The following SLC25A26 variants were observed in gnomAD, a reference collection of about 807,000 sequenced individuals.
SLC25A26 encodes the protein solute carrier family 25 member 26.
In SLC25A26, 36 loss-of-function variants were observed where a neutral mutation model predicts 37.8. The observed-to-expected ratio is 0.95, with a 90% CI of 0.73 to 1.26. The LOEUF (loss-of-function observed/expected upper bound fraction) is 1.26, where lower values mean the gene tolerates loss of function less well. Ranked by LOEUF, SLC25A26 falls within the 50% of genes most tolerant of loss-of-function variation. The pLI is 0.00. For synonymous variants in SLC25A26, 129 were observed against 122.5 expected (o/e 1.05, Z -0.35); for missense variants, 390 against 331.1 (o/e 1.18, Z -1.38).
intron 3 of SLC25A26, among the ~76,000 whole-genome samples, chr3:66,249,737 G>A (rs1203571676): frequency 1.3e-5 from 2 of 152,212 alleles, no homozygotes; most frequent in Admixed American, 6.5e-5. Context: ...TAAGTGAGTC[G>A]TGGGGGATAG....
At chr3:66,345,348 C>G (rs956503875) in intron 5 of SLC25A26, among the ~76,000 whole-genome samples, 7 of 152,142 alleles carry the variant, frequency 4.6e-5, no homozygotes, top group Admixed American at 2.0e-4. Context: ...TTGACTCTTG[C>G]AAGTAGCTCT....
intron 4 of SLC25A26, among the ~76,000 whole-genome samples, chr3:66,262,908 G>A (rs2073587677): frequency 6.6e-6 from 1 of 152,080 alleles, no homozygotes; most frequent in Admixed American, 6.5e-5. Context: ...AAATATAATT[G>A]TTTTTATACA....
At chr3:66,233,424 G>A (rs1279344445) in intron 1 of SLC25A26, among the ~76,000 whole-genome samples, 2 of 151,670 alleles carry the variant, frequency 1.3e-5, no homozygotes, top group African/African-American at 4.9e-5. Flanking sequence ...AGAACTTTTC[G>A]GTATAAGCTA....
chr3:66,257,580 C>T (rs1480958117), intron 3 of SLC25A26, among the ~76,000 whole-genome samples: 1 of 152,102 alleles, frequency 6.6e-6, no homozygotes, highest in South Asian at 2.1e-4. Context: ...GTCATGGGCT[C>T]GGGCCTCTGA....
chr3:66,228,206 G>A (rs1194021410), intron 1 of SLC25A26, among the ~76,000 whole-genome samples: 1 of 152,198 alleles, frequency 6.6e-6, no homozygotes, highest in African/African-American at 2.4e-5. Context: ...ATCATGCAAG[G>A]ACCACAACTG....
intron 5 of SLC25A26, among the ~76,000 whole-genome samples, chr3:66,295,552 C>G (rs946957654): frequency 3.3e-5 from 5 of 151,990 alleles, no homozygotes; most frequent in African/African-American, 1.2e-4. Flanking sequence ...CAGGTGCCCA[C>G]CACCAAGCCC....
chr3:66,299,163 T>C (rs1306981718), intron 5 of SLC25A26, among the ~76,000 whole-genome samples: 2 of 152,216 alleles, frequency 1.3e-5, no homozygotes, highest in Non-Finnish European at 2.9e-5. Flanking sequence ...TATGCACCCA[T>C]TTCCATGTAT....
intron 1 of SLC25A26, among the ~76,000 whole-genome samples, chr3:66,197,364 G>C (rs2071058971): frequency 1.3e-5 from 2 of 152,098 alleles, no homozygotes; most frequent in Admixed American, 1.3e-4. Flanking sequence ...TTGGGTCATG[G>C]TGAAATTCAG....
At chr3:66,251,577 A>G (rs1363426890) in intron 3 of SLC25A26, among the ~76,000 whole-genome samples, 1 of 152,212 alleles carries the variant, frequency 6.6e-6, no homozygotes, top group African/African-American at 2.4e-5. Flanking sequence ...GGGAAAGAAG[A>G]CGAAAGAGAG....
At chr3:66,200,982 C>T (rs1423238751) in intron 1 of SLC25A26, among the ~76,000 whole-genome samples, 1 of 152,076 alleles carries the variant, frequency 6.6e-6, no homozygotes, top group African/African-American at 2.4e-5. Flanking sequence ...AGTCTAGTAC[C>T]GTATAATCAC....
chr3:66,320,282 C>A (rs920395708), intron 5 of SLC25A26, among the ~76,000 whole-genome samples: 6 of 152,136 alleles, frequency 3.9e-5, no homozygotes, highest in Admixed American at 6.5e-5. Flanking sequence ...CACCCCAGCC[C>A]CTAGTAACTT....
In SLC25A26 at chr3:66,346,416, T is replaced by G. The variant is rs775687123; in HGVS notation, c.498+8T>G. 3.5e-6 allele frequency: 5 copies of G among 1,437,488 alleles called. No individual in the cohort carries two copies. Among genetic ancestry groups the G allele is most frequent in the Non-Finnish European group, 4.7e-6 (5 of 1,070,128 alleles). The allele number at this position is 1,437,488 out of a possible 1,614,324, so 89.0% of individuals were successfully genotyped here. A position where few individuals can be genotyped will look rare whatever the true frequency, so the allele number is the denominator to read the frequency against. Reference sequence around the variant, plus strand: ...TTATGGGAGTCCTTAAAAGTAAGTTTCTCAGTCTTCACATAAAATTTGTCT... The same window carrying G: ...TTATGGGAGTCCTTAAAAGTAAGTTGCTCAGTCTTCACATAAAATTTGTCT... On this transcript the variant is annotated splice_region_variant and intron_variant, in intron 6 of 9. Coordinates refer to ENST00000354883, the MANE Select transcript of SLC25A26 (RefSeq NM_001379210.1).
At position 66,143,588 on chromosome 3, in the gene SLC25A26, A is replaced by G. The variant is rs74447896; in HGVS notation, c.-354+9604A>G. On this transcript the variant is annotated intron_variant, in intron 1 of 10. Coordinates refer to the SLC25A26 transcript ENST00000676754. ...AAATGCAAATGAGGTCCCTCGTTTA[A>G]AAAAAAAATTATTGGCTGGGAACAG... is the stretch of plus-strand genomic sequence containing the variant. Among the ~76,000 whole-genome samples the G allele has an allele frequency of 5.0e-3, 743 of 149,598 alleles. 7 individuals carry two copies. The highest frequency in any genetic ancestry group is 0.018 in the African/African-American group (714 of 39,312).
rs375710435 is a variant in SLC25A26 at position 66,135,924 on chromosome 3, G to A, written c.-354+1940G>A. Among the ~76,000 whole-genome samples the A allele has an allele frequency of 1.2e-3, 184 of 152,214 alleles. 1 individual carries two copies. Among genetic ancestry groups the A allele is most frequent in the Admixed American group, 3.5e-3 (54 of 15,284 alleles). On this transcript the variant is annotated intron_variant, in intron 1 of 10. Coordinates refer to the SLC25A26 transcript ENST00000676754. ...TGAAATACCTGTCTTTAGAGACCAC[G>A]TAATCCTACAGGGATATACATCTTG...
intron 1 of SLC25A26, among the ~76,000 whole-genome samples, chr3:66,134,990 C>T (rs781261756): frequency 1.7e-4 from 26 of 152,118 alleles, no homozygotes; most frequent in Non-Finnish European, 3.1e-4. Context: ...ACCACAATGT[C>T]GGGCTAATTT....
intron 5 of SLC25A26, among the ~76,000 whole-genome samples, chr3:66,292,620 C>T (rs1321255993): frequency 1.3e-5 from 2 of 152,162 alleles, no homozygotes; most frequent in Non-Finnish European, 2.9e-5. Context: ...TGAATATTGG[C>T]CTCCACTCTC....
At chr3:66,222,587 A>G (rs972614394) in intron 1 of SLC25A26, among the ~76,000 whole-genome samples, 4 of 152,046 alleles carry the variant, frequency 2.6e-5, no homozygotes, top group African/African-American at 9.7e-5. Context: ...CTTTACATAC[A>G]TTATCCCATT....
At position 66,298,731 on chromosome 3, in the gene SLC25A26, C is replaced by T. The variant is rs146879377; in HGVS notation, c.453+35352C>T. 2.3e-3 allele frequency among the ~76,000 whole-genome samples: 346 copies of T among 152,208 alleles called. 1 individual carries two copies. The highest frequency in any genetic ancestry group is 7.6e-3 in the African/African-American group (317 of 41,526). ...ACTACTGATCTGTGTTAGGAAAGAT[C>T]ACAAACACAGTACTTTGTAATAAAT... On this transcript the variant is annotated intron_variant, in intron 5 of 9. Transcript: ENST00000354883.
At chr3:66,140,229 A>G (rs573964872) in intron 1 of SLC25A26, among the ~76,000 whole-genome samples, 42 of 152,324 alleles carry the variant, frequency 2.8e-4, no homozygotes, top group Middle Eastern at 3.4e-3. Context: ...AAGATCAGGA[A>G]TTACATCTCT....
Sources: gnomAD v4.1 joint callset for allele counts (sites outside exome capture counted in the v4.1 genomes callset) on GRCh38, gnomAD v4.1.1 for gene constraint, MANE v1.5 for transcripts, NCBI Gene and HGNC (gene_info 2026-07-23, HGNC 2026-07-21) for gene names.